WRN: variants seen among roughly 807,000 people sequenced by gnomAD.
The protein encoded by WRN is WRN RecQ like helicase, also known as bifunctional 3'-5' exonuclease/ATP-dependent helicase WRN.
A neutral mutation model predicts 180.7 loss-of-function variants in WRN; 149 were observed. The observed-to-expected ratio is 0.82, with a 90% confidence interval of 0.72 to 0.94. WRN has a LOEUF of 0.94. Among genes scored for constraint, WRN ranks in the 40% least tolerant of loss-of-function variants. The pLI is 0.00. For synonymous variants in WRN, 548 were observed against 568.9 expected, an observed-to-expected ratio of 0.96 and a Z score of 0.52; for missense variants, 1,661 against 1,700.1, an observed-to-expected ratio of 0.98 and a Z score of 0.40.
rs2553254 is a variant in WRN at position 31,174,137 on chromosome 8, T to G, written c.*1035T>G. Among the ~76,000 whole-genome samples, 149,256 of 152,324 alleles carry G rather than the reference T, an allele frequency of 0.98. 73,208 individuals carry two copies. The highest frequency in any genetic ancestry group is 1 in the East Asian group (5,186 of 5,186). On this transcript the variant is annotated 3_prime_UTR_variant, in exon 35 of 35. Transcript: ENST00000298139. ...CTTTTTTATATTCATTTGTTTTTAG[T>G]TAAAATATAAAAGTCTCGTATATTC...
chr8:31,044,599 C>T (rs2129934299), intron 1 of WRN, among the ~76,000 whole-genome samples: 1 of 152,280 alleles, frequency 6.6e-6, no homozygotes, highest in East Asian at 1.9e-4. Flanking sequence ...ACGTGATCCG[C>T]CTGCCTCGGC....
At chr8:31,056,932 ATGTTTACTGGGAACTTTGGTGGAGATC>A (rs775887170) in intron 1 of WRN, among the ~76,000 whole-genome samples, 98 of 152,186 alleles carry the variant, frequency 6.4e-4, no homozygotes, top group Non-Finnish European at 1.3e-3. Context: ...TGTCATTGGG[ATGTTTACTGGGAACTTTGGTGGAGATC>A]TTGCAGTCTC....
At chr8:31,134,586 T>C (rs925058517) in intron 24 of WRN, among the ~76,000 whole-genome samples, 2 of 152,240 alleles carry the variant, frequency 1.3e-5, no homozygotes, top group Non-Finnish European at 2.9e-5. Context: ...TGATAAGATA[T>C]GCAATGACCT....
At chr8:31,147,155 G>C in intron 29 of WRN, 27 bp downstream of exon 29, 2 of 1,600,844 alleles carry the variant, frequency 1.2e-6, no homozygotes, top group Non-Finnish European at 1.7e-6. Context: ...AAGGTAATTA[G>C]TTTATGATAG....
intron 8 of WRN, among the ~76,000 whole-genome samples, chr8:31,078,338 C>T (rs1375973109): frequency 6.6e-6 from 1 of 152,014 alleles, no homozygotes; most frequent in Non-Finnish European, 1.5e-5. Flanking sequence ...CACCTCAGAA[C>T]CAGGAGGGAA....
At chr8:31,170,565 T>C (rs568395558) in intron 34 of WRN, among the ~76,000 whole-genome samples, 1 of 152,326 alleles carries the variant, frequency 6.6e-6, no homozygotes, top group Admixed American at 6.5e-5. Context: ...GTAACTTACA[T>C]ATTTCTGTAT....
At chr8:31,071,601 C>T (rs1158442011) in intron 7 of WRN, among the ~76,000 whole-genome samples, 1 of 152,158 alleles carries the variant, frequency 6.6e-6, no homozygotes. Context: ...CCTGCCTCAG[C>T]CTCCTGAGTA....
At chr8:31,089,778 T>A (rs957800979) in intron 13 of WRN, among the ~76,000 whole-genome samples, 1 of 151,978 alleles carries the variant, frequency 6.6e-6, no homozygotes, top group African/African-American at 2.4e-5. Context: ...AACTTTTTTC[T>A]GTGCATGTCT....
At chr8:31,117,339 G>A (rs199971725) in intron 20 of WRN, among the ~76,000 whole-genome samples, 1 of 48,156 alleles carries the variant, frequency 2.1e-5, no homozygotes, top group Non-Finnish European at 4.7e-5. Context: ...GTACTACTCT[G>A]TGTTTTTAAA....
chr8:31,152,275 A>G (rs1486697202), intron 31 of WRN, among the ~76,000 whole-genome samples: 2 of 151,830 alleles, frequency 1.3e-5, no homozygotes, highest in Non-Finnish European at 2.9e-5. Flanking sequence ...AGCTTGGAGT[A>G]AGCCGAGATC....
intron 24 of WRN, among the ~76,000 whole-genome samples, chr8:31,134,976 G>T (rs980299948): frequency 1.3e-5 from 2 of 152,022 alleles, no homozygotes; most frequent in Non-Finnish European, 2.9e-5. Flanking sequence ...AGCTTCTTTG[G>T]CCTGTAGGGA....
At position 31,154,632 on chromosome 8, in the gene WRN, CT is replaced by C. The variant is rs1026068427; in HGVS notation, c.3700del (p.Ser1234GlnfsTer14). ...CQTNSVQTDL[F>X]SSTKPQEEQK... Reference sequence around the variant, plus strand: ...CATTAAAAATTCTGTAGACAGACCTCTTTTCAAGTACAAAACCTCAAGAAGA... The same window carrying C: ...CATTAAAAATTCTGTAGACAGACCTCTTTCAAGTACAAAACCTCAAGAAGA... On this transcript the variant is annotated frameshift_variant, in exon 32 of 35. Coordinates refer to ENST00000298139, the MANE Select transcript of WRN (RefSeq NM_000553.6). LOFTEE classifies it high-confidence loss of function. 6.2e-7 allele frequency: 1 copy of C among 1,612,456 alleles called. No homozygotes were observed. The highest frequency in any genetic ancestry group is 8.5e-7 in the Non-Finnish European group (1 of 1,179,154).
chr8:31,087,599 A>C (rs1198981536), intron 11 of WRN, 177 bp from the exon 12 acceptor site: 2 of 596,776 alleles, frequency 3.4e-6, no homozygotes, highest in Non-Finnish European at 5.8e-6. Flanking sequence ...CGCCTTAGAA[A>C]CCATTCATGA....
At chr8:31,109,948 T>C (rs1801241207) in intron 18 of WRN, among the ~76,000 whole-genome samples, 1 of 152,186 alleles carries the variant, frequency 6.6e-6, no homozygotes, top group Non-Finnish European at 1.5e-5. Context: ...TTCATAAATA[T>C]ATTACCTGCT....
rs558920101 is a variant in WRN, at chr8:31,165,679, T to C, written c.3983-1343T>C. Among the ~76,000 whole-genome samples, 6 of 152,288 alleles carry C rather than the reference T, an allele frequency of 3.9e-5. 1 individual carries two copies. In the East Asian group the frequency reaches 1.2e-3, roughly 29 times the overall value. Reference sequence around the variant, plus strand: ...GGAAATACTTGATCTGTGTTTAGCTTTTGTAAAATTTACTGTTGAACAACG... The same window carrying C: ...GGAAATACTTGATCTGTGTTTAGCTCTTGTAAAATTTACTGTTGAACAACG... On this transcript the variant is annotated intron_variant, in intron 33 of 34. Transcript: ENST00000298139.
chr8:31,150,919 A>G (rs1803099059), intron 31 of WRN, among the ~76,000 whole-genome samples: 1 of 152,104 alleles, frequency 6.6e-6, no homozygotes, highest in African/African-American at 2.4e-5. Context: ...TTCAGTTTTA[A>G]TAGTGTTTCC....
intron 1 of WRN, among the ~76,000 whole-genome samples, chr8:31,041,527 T>G (rs1811657172): frequency 6.6e-6 from 1 of 152,152 alleles, no homozygotes; most frequent in Admixed American, 6.5e-5. Flanking sequence ...ACACATAAAA[T>G]TAACCACCAC....
chr8:31,065,878 C>CTTTTTTTT, intron 5 of WRN, among the ~76,000 whole-genome samples: 1 of 130,670 alleles, frequency 7.7e-6, no homozygotes, highest in Non-Finnish European at 1.7e-5. Flanking sequence ...AGTTTCTTTT[C>CTTTTTTTT]TTTTTTTTTT....
intron 8 of WRN, among the ~76,000 whole-genome samples, chr8:31,076,516 A>G (rs1296664044): frequency 1.3e-5 from 2 of 152,184 alleles, no homozygotes; most frequent in African/African-American, 4.8e-5. Context: ...TTTATGAAAC[A>G]AAGGAATAGA....
Sources: allele counts gnomAD v4.1 joint callset (sites outside exome capture counted in the v4.1 genomes callset), GRCh38; gene constraint gnomAD v4.1.1; transcripts MANE v1.5; gene names NCBI Gene and HGNC (gene_info 2026-07-23, HGNC 2026-07-21).